The following AMN1 variants were observed in gnomAD, a reference collection of about 807,000 sequenced individuals.
AMN1 encodes the protein protein AMN1 homolog.
Under a neutral mutation model 33.0 loss-of-function variants are expected in AMN1, and 20 were observed. The ratio of observed to expected loss-of-function variants is 0.61; its 90% CI spans 0.43 to 0.88. AMN1 has a LOEUF of 0.88. AMN1 is among the 40% of genes least tolerant of loss of function. The pLI is 0.00. For missense variants in AMN1, 246 were observed against 307.4 expected (o/e 0.80, Z 1.49); for synonymous variants, 114 against 111.9 (o/e 1.02, Z -0.12).
chr12:31,700,322 C>T (rs1479986624), intron 3 of AMN1, among the ~76,000 whole-genome samples: 1 of 151,978 alleles, frequency 6.6e-6, no homozygotes, highest in African/African-American at 2.4e-5. Context: ...AAGATTGTGC[C>T]ACTGCATTCC....
intron 5 of AMN1, among the ~76,000 whole-genome samples, chr12:31,690,472 C>T (rs118174745): frequency 0.035 from 5,320 of 152,100 alleles, 140 homozygotes; most frequent in South Asian, 0.064. Flanking sequence ...CAGGTGGTAT[C>T]GCATTGTGGT....
intron 1 of AMN1, among the ~76,000 whole-genome samples, chr12:31,712,286 C>T (rs547667500): frequency 2.6e-5 from 4 of 152,034 alleles, no homozygotes; most frequent in South Asian, 2.1e-4. Flanking sequence ...CTTGCTCTGT[C>T]GCCCAGGCTA....
intron 1 of AMN1, among the ~76,000 whole-genome samples, chr12:31,716,051 G>A (rs951293900): frequency 2.0e-5 from 3 of 151,944 alleles, no homozygotes; most frequent in East Asian, 1.9e-4. Flanking sequence ...CTCTTTATCC[G>A]TATTCATGTT....
At chr12:31,729,059 G>C, upstream of AMN1, 1 of 1,470,922 alleles carries the variant, frequency 6.8e-7, no homozygotes, top group Non-Finnish European at 9.1e-7. Context: ...CCAGAACCCA[G>C]CCAGGGACCG....
At chr12:31,705,539 G>A (rs142874266) in intron 2 of AMN1, among the ~76,000 whole-genome samples, 69 of 151,996 alleles carry the variant, frequency 4.5e-4, no homozygotes, top group Non-Finnish European at 7.1e-4. Flanking sequence ...ACATATGCTG[G>A]AGTGCTATCA....
chr12:31,680,078 G>C (rs117912946), intron 6 of AMN1, among the ~76,000 whole-genome samples: 1 of 141,498 alleles, frequency 7.1e-6, no homozygotes, highest in African/African-American at 2.6e-5. Context: ...AACCAAGATC[G>C]CACCACTACA....
intron 6 of AMN1, chr12:31,673,064 G>C (rs1022499771): frequency 6.6e-6 from 1 of 152,012 alleles, no homozygotes; most frequent in African/African-American, 2.4e-5. Context: ...TTCCATCCTA[G>C]TTTTAGGATG....
At chr12:31,689,795 T>C (rs2139673955) in intron 5 of AMN1, among the ~76,000 whole-genome samples, 1 of 152,274 alleles carries the variant, frequency 6.6e-6, no homozygotes, top group African/African-American at 2.4e-5. Context: ...GGGGAACAGG[T>C]GGTATTTGGT....
intron 1 of AMN1, among the ~76,000 whole-genome samples, chr12:31,712,039 T>G (rs1307145443): frequency 1.3e-5 from 2 of 151,574 alleles, no homozygotes; most frequent in East Asian, 1.9e-4. Flanking sequence ...AATTCATTCA[T>G]TCCCCCCTCC....
At chr12:31,677,305 A>C (rs184628400) in intron 6 of AMN1, among the ~76,000 whole-genome samples, 1 of 152,320 alleles carries the variant, frequency 6.6e-6, no homozygotes, top group Non-Finnish European at 1.5e-5. Context: ...GTCTCAAAAA[A>C]AAGAAAAAGA....
intron 6 of AMN1, among the ~76,000 whole-genome samples, chr12:31,674,300 T>C (rs955658574): frequency 1.3e-5 from 2 of 151,676 alleles, no homozygotes; most frequent in African/African-American, 4.8e-5. Flanking sequence ...CCCAGCTACC[T>C]GGGAGGCTGA....
chr12:31,681,604 C>T (rs1162335298), intron 6 of AMN1, among the ~76,000 whole-genome samples: 3 of 152,090 alleles, frequency 2.0e-5, no homozygotes, highest in Non-Finnish European at 4.4e-5. Context: ...AGTCGAGATC[C>T]ATAAGAGTTA....
intron 5 of AMN1, among the ~76,000 whole-genome samples, chr12:31,690,630 T>A (rs576195221): frequency 6.6e-6 from 1 of 152,290 alleles, no homozygotes; most frequent in South Asian, 2.1e-4. Context: ...CTAATTTGTT[T>A]GAGTTTGTTC....
At chr12:31,718,081 C>T (rs1046377181) in intron 1 of AMN1, among the ~76,000 whole-genome samples, 3 of 152,126 alleles carry the variant, frequency 2.0e-5, no homozygotes, top group Admixed American at 1.3e-4. Context: ...GGTCTTTTCA[C>T]ATAGTCCCAT....
At chr12:31,719,556 T>C (rs1330380434) in intron 1 of AMN1, among the ~76,000 whole-genome samples, 1 of 152,232 alleles carries the variant, frequency 6.6e-6, no homozygotes, top group Non-Finnish European at 1.5e-5. Context: ...CAAGCCTCCC[T>C]ATCTCTTTAG....
chr12:31,676,097 C>T (rs1397229451), intron 6 of AMN1, among the ~76,000 whole-genome samples: 9 of 151,432 alleles, frequency 5.9e-5, no homozygotes, highest in Admixed American at 5.9e-4. Context: ...ATTTATGTTA[C>T]CATCAAAAAG....
intron 2 of AMN1, among the ~76,000 whole-genome samples, chr12:31,704,714 A>C (rs1468401077): frequency 6.6e-6 from 1 of 152,214 alleles, no homozygotes; most frequent in Non-Finnish European, 1.5e-5. Flanking sequence ...ATAATGTCAT[A>C]AGCAAGACTC....
chr12:31,673,709 G>T, intron 6 of AMN1: 2 of 389,386 alleles, frequency 5.1e-6, no homozygotes, highest in Non-Finnish European at 1.0e-5. Flanking sequence ...TATTAATGTA[G>T]ACTAAAAAAT....
chr12:31,688,548 C>G (rs1474649881), intron 6 of AMN1, among the ~76,000 whole-genome samples: 1 of 152,174 alleles, frequency 6.6e-6, no homozygotes, highest in Non-Finnish European at 1.5e-5. Flanking sequence ...CAGCTAACGT[C>G]TGTAATCCTA....
Sources: gnomAD v4.1 joint callset for allele counts (sites outside exome capture counted in the v4.1 genomes callset) on GRCh38, gnomAD v4.1.1 for gene constraint, MANE v1.5 for transcripts, NCBI Gene and HGNC (gene_info 2026-07-23, HGNC 2026-07-21) for gene names.